TBC1D22A: variants seen among roughly 807,000 people sequenced by gnomAD.
The protein encoded by TBC1D22A is putative GTPase activator.
A neutral mutation model predicts 60.2 loss-of-function variants in TBC1D22A; 38 were observed. The observed-to-expected ratio is 0.63, with a 90% CI of 0.49 to 0.83. The LOEUF (loss-of-function observed/expected upper bound fraction) is 0.83, where lower values mean the gene tolerates loss of function less well. Ranked by LOEUF, TBC1D22A falls within the 40% of genes least tolerant of loss-of-function variation. The pLI is 0.00. For synonymous variants in TBC1D22A, 302 were observed against 281.7 expected (o/e 1.07, Z -0.72); for missense variants, 628 against 701.0 (o/e 0.90, Z 1.18).
intron 9 of TBC1D22A, among the ~76,000 whole-genome samples, chr22:46,995,213 C>G (rs2075079393): frequency 6.6e-6 from 1 of 152,332 alleles, no homozygotes; most frequent in South Asian, 2.1e-4. Flanking sequence ...GAGCCCATCC[C>G]TCCTGCTACA....
intron 8 of TBC1D22A, among the ~76,000 whole-genome samples, chr22:46,957,572 G>A (rs2073269169): frequency 6.6e-6 from 1 of 152,236 alleles, no homozygotes; most frequent in Non-Finnish European, 1.5e-5. Flanking sequence ...GAACACGTGG[G>A]GATTACAATT....
chr22:46,933,949 T>C (rs2071500148), intron 8 of TBC1D22A, among the ~76,000 whole-genome samples: 1 of 152,238 alleles, frequency 6.6e-6, no homozygotes, highest in Non-Finnish European at 1.5e-5. Context: ...GCGTTTAGCC[T>C]TTTCACACTT....
chr22:46,966,546 C>T (rs1186717023), intron 8 of TBC1D22A, among the ~76,000 whole-genome samples: 2 of 152,222 alleles, frequency 1.3e-5, no homozygotes, highest in African/African-American at 4.8e-5. Context: ...ACCACAACTC[C>T]TACTCACAGC....
chr22:46,858,260 C>G (rs2087671009), intron 4 of TBC1D22A, among the ~76,000 whole-genome samples: 1 of 152,226 alleles, frequency 6.6e-6, no homozygotes, highest in South Asian at 2.1e-4. Flanking sequence ...TATTGGCTGT[C>G]TGTATATCTT....
chr22:46,849,456 C>T (rs934484379), intron 4 of TBC1D22A, among the ~76,000 whole-genome samples: 1 of 152,216 alleles, frequency 6.6e-6, no homozygotes, highest in Non-Finnish European at 1.5e-5. Flanking sequence ...CCTCACTGAA[C>T]CTGCTGTTGA....
chr22:46,992,437 C>T (rs920745912), intron 9 of TBC1D22A, among the ~76,000 whole-genome samples: 2 of 152,250 alleles, frequency 1.3e-5, no homozygotes, highest in Admixed American at 6.5e-5. Context: ...AGCAGGTGCC[C>T]AGGGTGAACC....
chr22:47,134,252 C>T (rs116655262), intron 12 of TBC1D22A, among the ~76,000 whole-genome samples: 1,711 of 152,376 alleles, frequency 0.011, 31 homozygotes, highest in African/African-American at 0.039. Context: ...CTCATCCGCT[C>T]AGTCCCTGAA....
chr22:47,024,580 A>AT (rs2062192112), intron 10 of TBC1D22A, among the ~76,000 whole-genome samples: 1 of 152,126 alleles, frequency 6.6e-6, no homozygotes, highest in African/African-American at 2.4e-5. Flanking sequence ...ACTTTAGGGC[A>AT]TGGTTGCTCA....
chr22:46,891,195 T>G, intron 5 of TBC1D22A, 71 bp from the exon 6 acceptor site: 1 of 1,469,994 alleles, frequency 6.8e-7, no homozygotes, highest in Non-Finnish European at 9.0e-7. Flanking sequence ...GTCTTTTTAT[T>G]TCACGCTTAA....
intron 7 of TBC1D22A, among the ~76,000 whole-genome samples, chr22:46,908,977 G>A (rs537560470): frequency 7.2e-5 from 11 of 152,122 alleles, no homozygotes; most frequent in Non-Finnish European, 1.5e-4. Flanking sequence ...TCGAGGCCCC[G>A]GCCTGCGCAG....
At chr22:46,943,018 C>T (rs766707437) in intron 8 of TBC1D22A, among the ~76,000 whole-genome samples, 1 of 152,084 alleles carries the variant, frequency 6.6e-6, no homozygotes, top group Non-Finnish European at 1.5e-5. Context: ...TGGGACCAAA[C>T]GGGAAATGAG....
intron 11 of TBC1D22A, among the ~76,000 whole-genome samples, chr22:47,060,933 GC>G (rs1258195309): frequency 6.6e-6 from 1 of 152,198 alleles, no homozygotes; most frequent in Non-Finnish European, 1.5e-5. Context: ...ATTGTCAGGG[GC>G]CTTGTCTTTG....
intron 4 of TBC1D22A, among the ~76,000 whole-genome samples, chr22:46,833,486 C>G (rs1489177225): frequency 6.6e-6 from 1 of 152,216 alleles, no homozygotes; most frequent in Non-Finnish European, 1.5e-5. Flanking sequence ...ACGGCACATT[C>G]TTCTACTGGG....
chr22:47,094,082 G>C (rs2065081326), intron 11 of TBC1D22A, among the ~76,000 whole-genome samples: 1 of 152,212 alleles, frequency 6.6e-6, no homozygotes, highest in Non-Finnish European at 1.5e-5. Context: ...GCATCTAGCT[G>C]TCTGGATGCT....
At chr22:46,809,592 G>C (rs564593899) in intron 4 of TBC1D22A, among the ~76,000 whole-genome samples, 1 of 152,272 alleles carries the variant, frequency 6.6e-6, no homozygotes, top group African/African-American at 2.4e-5. Flanking sequence ...CATCTCGGGG[G>C]TCAGGGCAGT....
At chr22:46,896,005 C>A (rs1033099555) in intron 7 of TBC1D22A, among the ~76,000 whole-genome samples, 1 of 152,164 alleles carries the variant, frequency 6.6e-6, no homozygotes, top group African/African-American at 2.4e-5. Flanking sequence ...AGTGTTCCCT[C>A]CGCACGCCGC....
intron 12 of TBC1D22A, among the ~76,000 whole-genome samples, chr22:47,169,329 C>T (rs936594180): frequency 1.3e-5 from 2 of 152,120 alleles, no homozygotes; most frequent in Non-Finnish European, 2.9e-5. Flanking sequence ...ATGATGTGTC[C>T]GAGAGTGTCT....
At chr22:46,810,022 T>G (rs991716384) in intron 4 of TBC1D22A, among the ~76,000 whole-genome samples, 1 of 152,224 alleles carries the variant, frequency 6.6e-6, no homozygotes, top group African/African-American at 2.4e-5. Context: ...AAGTCAAAAT[T>G]TCATTTATAT....
intron 8 of TBC1D22A, among the ~76,000 whole-genome samples, chr22:46,961,330 A>G (rs1161116376): frequency 6.6e-6 from 1 of 152,198 alleles, no homozygotes; most frequent in Non-Finnish European, 1.5e-5. Context: ...CTCAGATTCA[A>G]TTTGAGTAAT....
Sources: allele counts gnomAD v4.1 joint callset (sites outside exome capture counted in the v4.1 genomes callset), GRCh38; gene constraint gnomAD v4.1.1; transcripts MANE v1.5; gene names NCBI Gene and HGNC (gene_info 2026-07-23, HGNC 2026-07-21).